Variants in IKZF1 observed in about 807,000 individuals in gnomAD.
IKZF1 encodes DNA-binding protein Ikaros.
A neutral mutation model predicts 51.7 loss-of-function variants in IKZF1; 10 were observed. The ratio of observed to expected loss-of-function variants is 0.19; its 90% CI spans 0.12 to 0.33. The LOEUF (loss-of-function observed/expected upper bound fraction) is 0.33, where lower values mean the gene tolerates loss of function less well. Among genes scored for constraint, IKZF1 ranks in the 10% least tolerant of loss-of-function variants. The pLI, the probability that IKZF1 is intolerant of heterozygous loss-of-function variation, is 1.00. For missense variants in IKZF1, 484 were observed against 707.5 expected, an observed-to-expected ratio of 0.68 and a Z score of 3.58; for synonymous variants, 280 against 282.3, an observed-to-expected ratio of 0.99 and a Z score of 0.08.
intron 7 of IKZF1, among the ~76,000 whole-genome samples, chr7:50,393,106 A>ATTTC (rs1815658314): frequency 1.3e-5 from 2 of 152,160 alleles, no homozygotes; most frequent in African/African-American, 4.8e-5. Flanking sequence ...TGACTGGAAA[A>ATTTC]GGGAGACTGT....
In IKZF1 at chr7:50,355,855, G is replaced by A. The variant is rs539116122; in HGVS notation, c.161-20678G>A. Among the ~76,000 whole-genome samples the A allele has an allele frequency of 1.8e-4, 28 of 152,358 alleles. No homozygotes were observed. The East Asian group carries it at 4.8e-3, about 26-fold the overall frequency. On this transcript the variant is annotated intron_variant, in intron 3 of 7. Coordinates refer to ENST00000331340, the MANE Select transcript of IKZF1 (RefSeq NM_006060.6). ...GTGAACTCCGAGGCCACAGTGAGCA[G>A]AGCAGGCTGGAGGCCTCCCGGCTGT...
intron 5 of IKZF1, among the ~76,000 whole-genome samples, chr7:50,382,989 T>A (rs958210930): frequency 2.0e-5 from 3 of 152,148 alleles, no homozygotes; most frequent in African/African-American, 4.8e-5. Flanking sequence ...GGCCTCCTCA[T>A]CCCGTTTGTC....
At chr7:50,370,275 C>A (rs574843636) in intron 3 of IKZF1, among the ~76,000 whole-genome samples, 2 of 152,282 alleles carry the variant, frequency 1.3e-5, no homozygotes, top group Admixed American at 1.3e-4. Context: ...AAGACACATT[C>A]TAAAAAGGAA....
chr7:50,331,451 A>G (rs1796432826), intron 3 of IKZF1, among the ~76,000 whole-genome samples: 1 of 152,158 alleles, frequency 6.6e-6, no homozygotes, highest in African/African-American at 2.4e-5. Context: ...AAAAAAAAAA[A>G]AAGTGGGAAA....
At chr7:50,315,846 G>A (rs1004373427) in intron 1 of IKZF1, among the ~76,000 whole-genome samples, 2 of 152,062 alleles carry the variant, frequency 1.3e-5, no homozygotes, top group Non-Finnish European at 2.9e-5. Flanking sequence ...ATTTTACCCG[G>A]CACTCTGCAT....
rs377715297 is a variant in IKZF1 at position 50,401,959 on chromosome 7, C to T, written c.*1332C>T. ...TGCACCTGTAGGATATTGGAATGCA[C>T]AGGGCAATTGAGGGACTGAGCCAGA... On this transcript the variant is annotated 3_prime_UTR_variant, in exon 8 of 8. Transcript: ENST00000331340. 53 of 227,268 alleles carry T rather than the reference C, an allele frequency of 2.3e-4. No homozygotes were observed. In the South Asian group the frequency reaches 4.6e-3, roughly 20 times the overall value. The allele number at this position is 227,268 out of a possible 1,614,324, so 14.1% of individuals were successfully genotyped here. A position where few individuals can be genotyped will look rare whatever the true frequency, so the allele number is the denominator to read the frequency against.
intron 3 of IKZF1, among the ~76,000 whole-genome samples, chr7:50,333,511 T>C (rs1383317217): frequency 1.3e-5 from 2 of 152,200 alleles, no homozygotes; most frequent in Admixed American, 1.3e-4. Context: ...AAGTTGTTTT[T>C]ATCTGCGAAA....
intron 1 of IKZF1, among the ~76,000 whole-genome samples, chr7:50,316,037 G>C: frequency 6.6e-6 from 1 of 152,078 alleles, no homozygotes; most frequent in Admixed American, 6.6e-5. Context: ...GTTTCTCATT[G>C]TTTGATTATT....
At chr7:50,346,175 G>A in intron 3 of IKZF1, among the ~76,000 whole-genome samples, 1 of 152,200 alleles carries the variant, frequency 6.6e-6, no homozygotes, top group Non-Finnish European at 1.5e-5. Context: ...ACAATGTTAT[G>A]TTGCTGCTGT....
chr7:50,376,609 G>GGAGGATTTACGAAT lies in IKZF1; in HGVS notation c.239_252dup (p.Leu85ArgfsTer13). On this transcript the variant is annotated frameshift_variant, in exon 4 of 8. Coordinates refer to ENST00000331340, the MANE Select transcript of IKZF1 (RefSeq NM_006060.6). LOFTEE classifies it high-confidence loss of function. The surrounding 1 kb of genome is among the most constrained non-coding windows in gnomAD (Gnocchi z 4.5). ...GTGAAATGAATGGGGAAGAATGTGC[G>GGAGGATTTACGAAT]GAGGATTTACGAATGCTTGATGCCT... The GGAGGATTTACGAAT allele has an allele frequency of 6.2e-7, 1 of 1,613,966 alleles. No homozygotes were observed. Among genetic ancestry groups the GGAGGATTTACGAAT allele is most frequent in the Non-Finnish European group, 8.5e-7 (1 of 1,179,888 alleles).
Position 50,319,051 on chromosome 7 carries a change from A to G in IKZF1, c.-11A>G. 3.1e-6 allele frequency: 5 copies of G among 1,609,952 alleles called. No individual in the cohort carries two copies. The highest frequency in any genetic ancestry group is 4.2e-6 in the Non-Finnish European group (5 of 1,176,692). ...AATCCCTTCCTCTCTTTCTCAGATAACCTGAGGACCATGGATGCTGATGAG... is the reference window on the plus strand; with the variant it reads ...AATCCCTTCCTCTCTTTCTCAGATAGCCTGAGGACCATGGATGCTGATGAG... On this transcript the variant is annotated 5_prime_UTR_variant, in exon 2 of 8. Transcript: ENST00000331340.
Position 50,361,748 on chromosome 7 carries a change from C to T in IKZF1, c.161-14785C>T, listed in dbSNP as rs193184477. ...AATATTAGCTGGGCATGGTGGTGCG[C>T]GCCTGTAGTCCCAGCTACCCGGGAG... On this transcript the variant is annotated intron_variant, in intron 3 of 7. Coordinates refer to ENST00000331340, the MANE Select transcript of IKZF1 (RefSeq NM_006060.6). Among the ~76,000 whole-genome samples, 277 of 152,148 alleles carry T rather than the reference C, an allele frequency of 1.8e-3. 1 individual carries two copies. The highest frequency in any genetic ancestry group is 0.014 in the Middle Eastern group (4 of 294).
rs1810299722 is a variant in IKZF1 at position 50,376,400 on chromosome 7, C to A, written c.161-133C>A. On this transcript the variant is annotated intron_variant, in intron 3 of 7. Coordinates refer to ENST00000331340, the MANE Select transcript of IKZF1 (RefSeq NM_006060.6). This position sits in a 1 kb window ranked among gnomAD's most constrained non-coding sequence, Gnocchi z 4.5. ...TGCACGGCGAGCTCAGGCTGCTCTC[C>A]CCTTGGTATTTGCTAAGAACTTCTG... The A allele has an allele frequency of 1.4e-6, 2 of 1,436,424 alleles. No homozygotes were observed. Among genetic ancestry groups the A allele is most frequent in the African/African-American group, 1.4e-5 (1 of 70,470 alleles). 89.0% of individuals were successfully genotyped at this position (1,436,424 alleles called of 1,614,324 possible). A position where few individuals can be genotyped will look rare whatever the true frequency, so the allele number is the denominator to read the frequency against.
chr7:50,382,813 T>C, intron 5 of IKZF1, 106 bp downstream of exon 5: 1 of 1,376,108 alleles, frequency 7.3e-7, no homozygotes, highest in South Asian at 1.4e-5. Context: ...CCTGAGTCCC[T>C]CCCAGCTCGC....
chr7:50,401,606 GT>G lies in IKZF1; in HGVS notation c.*980del, dbSNP rs2153520859. On this transcript the variant is annotated 3_prime_UTR_variant, in exon 8 of 8. Transcript: ENST00000331340. ...TTCCTTCCCTGGCTGGTTCCATCTA[GT>G]ACCAGAGGCCTCTTTTCCTGAAGAA... 1 of 221,242 alleles carries G rather than the reference GT, an allele frequency of 4.5e-6. No homozygotes were observed. Among genetic ancestry groups the G allele is most frequent in the South Asian group, 1.8e-4 (1 of 5,434 alleles). 13.7% of individuals were successfully genotyped at this position (221,242 alleles called of 1,614,324 possible). A position where few individuals can be genotyped will look rare whatever the true frequency, so the allele number is the denominator to read the frequency against.
rs1818609998 is a variant in IKZF1, at chr7:50,404,178, TTG to T, written c.*3558_*3559del. The T allele has an allele frequency of 9.3e-6, 2 of 214,286 alleles. No individual in the cohort carries two copies. The highest frequency in any genetic ancestry group is 4.6e-5 in the African/African-American group (2 of 43,756). 13.3% of individuals were successfully genotyped at this position (214,286 alleles called of 1,614,324 possible). ...CTTTCTAATACAGTTTTTTATAATG[TTG>T]TGTGTGGTGATTGTTCAGGTCGAAT... On this transcript the variant is annotated 3_prime_UTR_variant, in exon 8 of 8. Coordinates refer to ENST00000331340, the MANE Select transcript of IKZF1 (RefSeq NM_006060.6).
chr7:50,381,710 C>T (rs1811892814), intron 4 of IKZF1, among the ~76,000 whole-genome samples: 1 of 152,172 alleles, frequency 6.6e-6, no homozygotes, highest in African/African-American at 2.4e-5. Context: ...TATAATTTGT[C>T]TTCTATGGAT....
At chr7:50,308,444 G>C (rs1789339340) in intron 1 of IKZF1, among the ~76,000 whole-genome samples, 1 of 152,190 alleles carries the variant, frequency 6.6e-6, no homozygotes. Flanking sequence ...CACAGGTGTG[G>C]GGGCCATTTG....
chr7:50,337,552 C>G (rs2153409480), intron 3 of IKZF1, among the ~76,000 whole-genome samples: 1 of 152,312 alleles, frequency 6.6e-6, no homozygotes, highest in East Asian at 1.9e-4. Context: ...AAGGACTCAG[C>G]TCTGATTTGC....
Sources: allele counts gnomAD v4.1 joint callset (sites outside exome capture counted in the v4.1 genomes callset), GRCh38; gene constraint gnomAD v4.1.1; non-coding constraint Gnocchi (gnomAD v3.1); transcripts MANE v1.5; gene names NCBI Gene and HGNC (gene_info 2026-07-23, HGNC 2026-07-21).